The following PPP1R42 variants were observed in gnomAD, a reference collection of about 807,000 sequenced individuals.
PPP1R42 encodes protein phosphatase 1 regulatory subunit 42, also known as leucine rich repeat containing 67.
Under a neutral mutation model 31.0 loss-of-function variants are expected in PPP1R42, and 34 were observed. The observed-to-expected ratio is 1.10, with a 90% CI of 0.83 to 1.46. The LOEUF is 1.46. PPP1R42 is among the 40% of genes most tolerant of loss of function. PPP1R42 has a pLI of 0.00. For missense variants in PPP1R42, 268 were observed against 303.0 expected, an observed-to-expected ratio of 0.88 and a Z score of 0.86; for synonymous variants, 103 against 109.8, an observed-to-expected ratio of 0.94 and a Z score of 0.39.
intron 7 of PPP1R42, among the ~76,000 whole-genome samples, chr8:66,973,462 C>A (rs1182494515): frequency 6.6e-6 from 1 of 152,082 alleles, no homozygotes; most frequent in Non-Finnish European, 1.5e-5. Context: ...CGCCACCACA[C>A]CCAGCTAATT....
chr8:66,964,278 G>A lies in PPP1R42; in HGVS notation c.*43C>T. On this transcript the variant is annotated 3_prime_UTR_variant, in exon 8 of 8. Transcript: ENST00000685739. ...TTCTTCTGGGTTATGGAAGAGGTGAGGTTCATGCACATCATTTTTTGTCAG... is the reference window on the plus strand; with the variant it reads ...TTCTTCTGGGTTATGGAAGAGGTGAAGTTCATGCACATCATTTTTTGTCAG... 1 of 1,271,384 alleles carries A rather than the reference G, an allele frequency of 7.9e-7. No individual in the cohort carries two copies. The highest frequency in any genetic ancestry group is 1.0e-6 in the Non-Finnish European group (1 of 974,778). The allele number at this position is 1,271,384 out of a possible 1,614,324, so 78.8% of individuals were successfully genotyped here.
chr8:66,984,786 AT>A, intron 6 of PPP1R42: 1 of 1,608,722 alleles, frequency 6.2e-7, no homozygotes, highest in Non-Finnish European at 8.5e-7. Context: ...CTCGCATCAA[AT>A]TAGAAATTCT....
In PPP1R42 at chr8:67,017,741, G is replaced by A. The variant is rs752900555; in HGVS notation, c.7C>T (p.Arg3Ter). 6 of 1,580,120 alleles carry A rather than the reference G, an allele frequency of 3.8e-6. No homozygotes were observed. The highest frequency in any genetic ancestry group is 2.7e-5 in the African/African-American group (2 of 73,764). ...CTGGCAATTAGATCCAAGGTCAGTC[G>A]AACCATAATTTCTTTATAAATCAAA... MV[R>*]LTLDLIARNS... is the part of the protein sequence containing the mutation. The change falls in exon 2 of 8, where the codon CGA becomes TGA. Residue 3 changes from arginine (R) to a stop codon, truncating the protein, a stop_gained. Transcript: ENST00000685739. LOFTEE classifies it high-confidence loss of function.
At chr8:66,984,635 A>T in intron 6 of PPP1R42, 1 of 1,342,960 alleles carries the variant, frequency 7.4e-7, no homozygotes, top group East Asian at 2.3e-5. Flanking sequence ...TTAAGCTTTT[A>T]AATTTTCTTG....
intron 1 of PPP1R42, among the ~76,000 whole-genome samples, chr8:67,023,499 C>T (rs1816287085): frequency 1.3e-5 from 2 of 152,110 alleles, no homozygotes; most frequent in East Asian, 3.8e-4. Context: ...CTGTTTGTAG[C>T]CACTGTATAG....
intron 5 of PPP1R42, among the ~76,000 whole-genome samples, chr8:67,000,857 G>A (rs1815462655): frequency 6.6e-6 from 1 of 152,110 alleles, no homozygotes; most frequent in African/African-American, 2.4e-5. Context: ...ATCATTACTG[G>A]TTTACTATCA....
At chr8:66,977,798 G>A (rs532292276) in intron 7 of PPP1R42, among the ~76,000 whole-genome samples, 2 of 152,138 alleles carry the variant, frequency 1.3e-5, no homozygotes, top group African/African-American at 2.4e-5. Context: ...GAGCCACCTC[G>A]CTTGGCCGCT....
At chr8:66,999,915 T>G (rs1815435064) in intron 5 of PPP1R42, among the ~76,000 whole-genome samples, 1 of 152,212 alleles carries the variant, frequency 6.6e-6, no homozygotes, top group Non-Finnish European at 1.5e-5. Flanking sequence ...CAACATTCCC[T>G]TCTTATCCTT....
intron 5 of PPP1R42, among the ~76,000 whole-genome samples, chr8:67,003,386 CT>C (rs1284141606): frequency 1.1e-5 from 1 of 88,944 alleles, no homozygotes; most frequent in Admixed American, 1.6e-4. Flanking sequence ...CATTTTCATG[CT>C]TCTTTTTTTT....
chr8:67,027,997 G>T (rs1816453847), intron 1 of PPP1R42, among the ~76,000 whole-genome samples: 2 of 152,018 alleles, frequency 1.3e-5, no homozygotes, highest in Non-Finnish European at 2.9e-5. Flanking sequence ...CGGTTTGGGG[G>T]GTACATGTGC....
At chr8:67,006,879 T>C (rs1023905048) in intron 5 of PPP1R42, among the ~76,000 whole-genome samples, 2 of 151,460 alleles carry the variant, frequency 1.3e-5, no homozygotes, top group Admixed American at 1.3e-4. Context: ...CCCGAGTAGC[T>C]GGGACTACAG....
intron 7 of PPP1R42, among the ~76,000 whole-genome samples, chr8:66,970,447 T>C (rs1814506698): frequency 6.6e-6 from 1 of 152,224 alleles, no homozygotes; most frequent in Non-Finnish European, 1.5e-5. Flanking sequence ...TGGTTTATTT[T>C]TCCATCAAAG....
At chr8:67,003,392 T>G (rs1320022069) in intron 5 of PPP1R42, among the ~76,000 whole-genome samples, 4 of 140,512 alleles carry the variant, frequency 2.8e-5, no homozygotes, top group Admixed American at 2.8e-4. Flanking sequence ...CATGCTTCTT[T>G]TTTTTTTTTT....
chr8:67,015,815 A>G (rs1277899046), intron 2 of PPP1R42, among the ~76,000 whole-genome samples: 4 of 152,214 alleles, frequency 2.6e-5, no homozygotes, highest in African/African-American at 9.6e-5. Flanking sequence ...GAGTAAATAG[A>G]CAAGCGGTAA....
At chr8:66,988,651 CATA>C (rs1815099483) in intron 5 of PPP1R42, 134 bp from the exon 6 acceptor site, 1 of 684,404 alleles carries the variant, frequency 1.5e-6, no homozygotes. Context: ...TTAGAAGGTG[CATA>C]ATAACTAAAT....
At chr8:67,006,635 C>T (rs1366863756) in intron 5 of PPP1R42, among the ~76,000 whole-genome samples, 2 of 150,618 alleles carry the variant, frequency 1.3e-5, no homozygotes, top group Admixed American at 6.6e-5. Flanking sequence ...TCCCAAAGTG[C>T]GGTGATTACA....
chr8:67,003,051 GCTA>G (rs1174569564), intron 5 of PPP1R42, among the ~76,000 whole-genome samples: 1 of 149,270 alleles, frequency 6.7e-6, no homozygotes, highest in Non-Finnish European at 1.5e-5. Context: ...TGTAATCCCA[GCTA>G]CTAGGTGGGG....
chr8:67,014,407 A>T lies in PPP1R42; in HGVS notation c.296+19T>A. 7.2e-7 allele frequency: 1 copy of T among 1,390,586 alleles called. No homozygotes were observed. Among genetic ancestry groups the T allele is most frequent in the Non-Finnish European group, 9.6e-7 (1 of 1,036,322 alleles). 86.1% of individuals were successfully genotyped at this position (1,390,586 alleles called of 1,614,324 possible). ...AATCATAAAAATCAGATACATTATTAAAAAATAAAAGCACTTACAGTTTTT... is the reference window on the plus strand; with the variant it reads ...AATCATAAAAATCAGATACATTATTTAAAAATAAAAGCACTTACAGTTTTT... On this transcript the variant is annotated intron_variant, in intron 3 of 7. Coordinates refer to ENST00000685739, the MANE Select transcript of PPP1R42 (RefSeq NM_001364910.1).
At chr8:67,009,026 T>G (rs1440229351) in intron 5 of PPP1R42, among the ~76,000 whole-genome samples, 1 of 152,140 alleles carries the variant, frequency 6.6e-6, no homozygotes, top group Non-Finnish European at 1.5e-5. Context: ...ATCCCAGCAC[T>G]TTGGGAGGCT....
Sources: allele counts gnomAD v4.1 joint callset (sites outside exome capture counted in the v4.1 genomes callset), GRCh38; gene constraint gnomAD v4.1.1; transcripts MANE v1.5; gene names NCBI Gene and HGNC (gene_info 2026-07-23, HGNC 2026-07-21).